GRIK4: variants seen among roughly 807,000 people sequenced by gnomAD.
GRIK4 encodes the protein glutamate receptor ionotropic, kainate 4.
Under a neutral mutation model 104.9 loss-of-function variants are expected in GRIK4, and 40 were observed. The ratio of observed to expected loss-of-function variants is 0.38; its 90% CI spans 0.30 to 0.50. GRIK4 has a LOEUF of 0.50. GRIK4 is among the 20% of genes least tolerant of loss of function. GRIK4 has a pLI of 0.93. For synonymous variants in GRIK4, 485 were observed against 524.9 expected (o/e 0.92, Z 1.04); for missense variants, 1,047 against 1,308.1 (o/e 0.80, Z 3.08).
chr11:120,798,210 C>T (rs1952559146), intron 3 of GRIK4, among the ~76,000 whole-genome samples: 1 of 137,022 alleles, frequency 7.3e-6, no homozygotes, highest in South Asian at 2.4e-4. Flanking sequence ...CTGTTGTCGC[C>T]TAGGCTGGAG....
intron 6 of GRIK4, among the ~76,000 whole-genome samples, chr11:120,820,676 C>A (rs1169761235): frequency 6.6e-6 from 1 of 152,216 alleles, no homozygotes; most frequent in African/African-American, 2.4e-5. Flanking sequence ...GCGCAGCTCA[C>A]CTGTCCAGGG....
At chr11:120,816,101 C>G (rs1294482209) in intron 5 of GRIK4, among the ~76,000 whole-genome samples, 2 of 152,068 alleles carry the variant, frequency 1.3e-5, no homozygotes, top group African/African-American at 4.8e-5. Context: ...TGCTCTAGTT[C>G]TGTTTCCATG....
intron 1 of GRIK4, among the ~76,000 whole-genome samples, chr11:120,519,102 G>C (rs1481969150): frequency 6.6e-6 from 1 of 152,190 alleles, no homozygotes; most frequent in East Asian, 1.9e-4. Context: ...GGCACGGATA[G>C]GGCCTTGTGC....
chr11:120,645,305 C>T (rs1343789), intron 1 of GRIK4, among the ~76,000 whole-genome samples: 101,260 of 152,132 alleles, frequency 0.67, 33,742 homozygotes, highest in African/African-American at 0.69. Flanking sequence ...CAGCCTGTGC[C>T]GGGTGACTGA....
chr11:120,729,505 T>C lies in GRIK4; in HGVS notation c.82+69105T>C, dbSNP rs182554229. Among the ~76,000 whole-genome samples the C allele has an allele frequency of 9.8e-5, 15 of 152,348 alleles. No individual in the cohort carries two copies. In the East Asian group the frequency reaches 2.9e-3, roughly 29 times the overall value. On this transcript the variant is annotated intron_variant, in intron 3 of 20. Transcript: ENST00000527524. ...GTAGTTCTAATTTGCATTTCTCTGA[T>C]CATCAGTGATGTTGAGCACCTTTTC...
intron 7 of GRIK4, among the ~76,000 whole-genome samples, chr11:120,832,344 G>A (rs1953452754): frequency 6.6e-6 from 1 of 152,178 alleles, no homozygotes; most frequent in South Asian, 2.1e-4. Context: ...CTAGGGTGGG[G>A]CACCTAAGGG....
chr11:120,556,461 A>G lies in GRIK4; in HGVS notation c.-159+44574A>G, dbSNP rs1371427842. 3.3e-5 allele frequency among the ~76,000 whole-genome samples: 5 copies of G among 152,086 alleles called. No homozygotes were observed. The East Asian group carries it at 9.6e-4, about 29-fold the overall frequency. On this transcript the variant is annotated intron_variant, in intron 1 of 20. Coordinates refer to ENST00000527524, the MANE Select transcript of GRIK4 (RefSeq NM_014619.5). Reference sequence around the variant, plus strand: ...AGTCATTTCGCAAGGATAACTCCACATGCATCCGGGAGGCAGCACCTACCT... The same window carrying G: ...AGTCATTTCGCAAGGATAACTCCACGTGCATCCGGGAGGCAGCACCTACCT...
chr11:120,568,166 A>G (rs962396097), intron 1 of GRIK4, among the ~76,000 whole-genome samples: 2 of 152,212 alleles, frequency 1.3e-5, no homozygotes, highest in African/African-American at 4.8e-5. Context: ...TGACAGAACA[A>G]GTCCTTGCCT....
At chr11:120,592,626 A>G (rs1384232896) in intron 1 of GRIK4, among the ~76,000 whole-genome samples, 1 of 151,802 alleles carries the variant, frequency 6.6e-6, no homozygotes, top group Non-Finnish European at 1.5e-5. Flanking sequence ...CTGGCTTCAG[A>G]TCTCCCTCAG....
chr11:120,863,092 C>T (rs1370464647), intron 9 of GRIK4, among the ~76,000 whole-genome samples: 2 of 152,222 alleles, frequency 1.3e-5, no homozygotes, highest in Non-Finnish European at 2.9e-5. Context: ...CTCTGTTCCA[C>T]TGTGCATCTC....
intron 3 of GRIK4, among the ~76,000 whole-genome samples, chr11:120,668,142 GATAGATAA>G (rs1364079380): frequency 1.0e-4 from 15 of 149,358 alleles, no homozygotes; most frequent in Non-Finnish European, 1.5e-4. Flanking sequence ...TAGATAGATA[GATAGATAA>G]GTAGGTAGAT....
chr11:120,724,916 G>C (rs1951001436), intron 3 of GRIK4, among the ~76,000 whole-genome samples: 1 of 152,174 alleles, frequency 6.6e-6, no homozygotes, highest in South Asian at 2.1e-4. Flanking sequence ...GTCTGAATTT[G>C]TGGTTGCTGT....
chr11:120,982,316 C>T, intron 20 of GRIK4, 92 bp downstream of exon 20: 1 of 753,694 alleles, frequency 1.3e-6, no homozygotes. Context: ...AGACGCTTAC[C>T]ACAGGAAGTG....
In GRIK4 at chr11:120,936,042, C is replaced by T. The variant is rs967369897; in HGVS notation, c.1477-4305C>T. The T allele has an allele frequency of 1.5e-4, 29 of 195,402 alleles. 1 individual carries two copies. In the South Asian group the frequency reaches 1.9e-3, roughly 13 times the overall value. The allele number at this position is 195,402 out of a possible 1,614,324, so 12.1% of individuals were successfully genotyped here. A position where few individuals can be genotyped will look rare whatever the true frequency, so the allele number is the denominator to read the frequency against. ...CTAGAACCAACTTCGTCATCATCAT[C>T]CTGGTCTTCATCTTCTTCATCTTCC... On this transcript the variant is annotated intron_variant, in intron 13 of 20. Transcript: ENST00000527524.
intron 9 of GRIK4, among the ~76,000 whole-genome samples, chr11:120,867,566 C>G (rs1226510072): frequency 6.6e-6 from 1 of 151,908 alleles, no homozygotes; most frequent in Non-Finnish European, 1.5e-5. Flanking sequence ...TTTCTCCTGA[C>G]TTGGGTAAGG....
chr11:120,663,665 C>A (rs1179563012), intron 3 of GRIK4, among the ~76,000 whole-genome samples: 4 of 152,194 alleles, frequency 2.6e-5, no homozygotes, highest in Non-Finnish European at 5.9e-5. Context: ...TTTACCTACA[C>A]TAAACCACTC....
intron 3 of GRIK4, among the ~76,000 whole-genome samples, chr11:120,718,283 T>C (rs1287240154): frequency 6.6e-6 from 1 of 150,490 alleles, no homozygotes; most frequent in Non-Finnish European, 1.5e-5. Context: ...TACCCAGGCT[T>C]TCTGGAAACA....
chr11:120,769,264 A>T (rs903426011), intron 3 of GRIK4, among the ~76,000 whole-genome samples: 1 of 151,826 alleles, frequency 6.6e-6, no homozygotes, highest in African/African-American at 2.4e-5. Flanking sequence ...CAATCTTGGT[A>T]GGTTACATTT....
At chr11:120,578,584 A>G (rs1948519506) in intron 1 of GRIK4, among the ~76,000 whole-genome samples, 2 of 152,304 alleles carry the variant, frequency 1.3e-5, no homozygotes, top group Admixed American at 1.3e-4. Flanking sequence ...CCTTCCATAG[A>G]GGGGGATACA....
Sources: allele counts gnomAD v4.1 joint callset (sites outside exome capture counted in the v4.1 genomes callset), GRCh38; gene constraint gnomAD v4.1.1; transcripts MANE v1.5; gene names NCBI Gene and HGNC (gene_info 2026-07-23, HGNC 2026-07-21).